SYNRG: variants seen among roughly 807,000 people sequenced by gnomAD.
SYNRG encodes synergin gamma, also known as AP1 gamma subunit binding protein 1.
In SYNRG, 37 loss-of-function variants were observed where a neutral mutation model predicts 130.9. That is an observed-to-expected ratio of 0.28 (90% CI 0.22 to 0.37). The LOEUF is 0.37. Ranked by LOEUF, SYNRG falls within the 10% of genes least tolerant of loss-of-function variation. The pLI is 1.00. For missense variants in SYNRG, 1,338 were observed against 1,588.9 expected (o/e 0.84, Z 2.68); for synonymous variants, 539 against 568.1 (o/e 0.95, Z 0.73).
chr17:37,578,539 C>A (rs551595286), intron 6 of SYNRG, among the ~76,000 whole-genome samples: 1 of 152,064 alleles, frequency 6.6e-6, no homozygotes, highest in African/African-American at 2.4e-5. Flanking sequence ...CCACTAACTC[C>A]TAGGGAGGCC....
chr17:37,535,439 G>A (rs140913312), intron 19 of SYNRG, among the ~76,000 whole-genome samples: 11 of 152,122 alleles, frequency 7.2e-5, no homozygotes, highest in Non-Finnish European at 1.6e-4. Flanking sequence ...AGCTACATAC[G>A]CATGCATGCA....
intron 19 of SYNRG, among the ~76,000 whole-genome samples, chr17:37,521,506 G>A (rs753898233): frequency 6.6e-6 from 1 of 152,130 alleles, no homozygotes; most frequent in Non-Finnish European, 1.5e-5. Context: ...GGTGGGGGCA[G>A]GGCCCAGGGA....
intron 19 of SYNRG, among the ~76,000 whole-genome samples, chr17:37,522,013 G>A (rs1390108592): frequency 6.6e-6 from 1 of 152,084 alleles, no homozygotes; most frequent in African/African-American, 2.4e-5. Flanking sequence ...TACACATACA[G>A]GCCTCCTGCT....
intron 19 of SYNRG, chr17:37,529,809 G>GA: frequency 1.9e-6 from 3 of 1,551,560 alleles, no homozygotes. Flanking sequence ...TCATGGTAAG[G>GA]AGAGAGATGC....
At chr17:37,606,515 C>T (rs781661569) in intron 1 of SYNRG, among the ~76,000 whole-genome samples, 1 of 152,194 alleles carries the variant, frequency 6.6e-6, no homozygotes, top group Non-Finnish European at 1.5e-5. Flanking sequence ...TTTGTACATT[C>T]TCCAAGGATG....
rs760004625 is a variant in SYNRG, at chr17:37,553,970, G to T, written c.1753C>A (p.Pro585Thr). The stretch of plus-strand genomic sequence containing the variant: ...GGTGGAAAAGTTTTGTCTTTTGTTG[G>T]TGGCTCTAGTGGTGATACACTATCG... ...TADSVSPLEP[P>T]TKDKTFPPSF... Residue 585 changes from proline (P) to threonine (T), a missense_variant, in exon 14 of 22, where the codon CCA (proline) becomes ACA (threonine). By Grantham distance (38) the Pro-to-Thr change is conservative. Coordinates refer to ENST00000612223, the MANE Select transcript of SYNRG (RefSeq NM_007247.6). 1.2e-6 allele frequency: 2 copies of T among 1,610,402 alleles called. No individual in the cohort carries two copies. The highest frequency in any genetic ancestry group is 1.1e-5 in the South Asian group (1 of 90,344).
At chr17:37,527,002 G>C (rs2056008564) in intron 19 of SYNRG, among the ~76,000 whole-genome samples, 1 of 152,184 alleles carries the variant, frequency 6.6e-6, no homozygotes, top group South Asian at 2.1e-4. Flanking sequence ...ACATTGTGCA[G>C]ACTGGCAAGA....
intron 19 of SYNRG, among the ~76,000 whole-genome samples, chr17:37,522,929 G>A (rs1008606293): frequency 5.3e-5 from 8 of 151,944 alleles, no homozygotes; most frequent in African/African-American, 1.2e-4. Context: ...GTGAGCCACC[G>A]TGCCTGGCCA....
At chr17:37,575,756 T>C (rs2060778761) in intron 8 of SYNRG, among the ~76,000 whole-genome samples, 1 of 150,878 alleles carries the variant, frequency 6.6e-6, no homozygotes, top group Non-Finnish European at 1.5e-5. Context: ...GTGGGAGGAT[T>C]GCCTGAGCCT....
chr17:37,567,497 A>C (rs1039585846), intron 11 of SYNRG: 3 of 152,182 alleles, frequency 2.0e-5, no homozygotes, highest in African/African-American at 4.8e-5. Flanking sequence ...GAAGGAAGAG[A>C]TCTGAAGTAG....
At chr17:37,598,640 T>C (rs1025099729) in intron 2 of SYNRG, among the ~76,000 whole-genome samples, 1 of 152,212 alleles carries the variant, frequency 6.6e-6, no homozygotes, top group East Asian at 1.9e-4. Flanking sequence ...GTTTCTTACA[T>C]ATGTTTTCAG....
intron 14 of SYNRG, among the ~76,000 whole-genome samples, chr17:37,543,557 G>A (rs146657120): frequency 2.0e-5 from 3 of 152,298 alleles, no homozygotes; most frequent in Non-Finnish European, 2.9e-5. Context: ...ATGAGGAGAG[G>A]AGAAGACCAT....
intron 9 of SYNRG, 117 bp from the exon 10 acceptor site, chr17:37,571,002 C>G (rs2060392311): frequency 1.5e-6 from 2 of 1,312,540 alleles, no homozygotes; most frequent in African/African-American, 1.5e-5. Context: ...CTCCAACTCT[C>G]AAAACTCATG....
chr17:37,560,338 A>AT (rs879738491), intron 13 of SYNRG, among the ~76,000 whole-genome samples: 10,704 of 136,658 alleles, frequency 0.078, 1,299 homozygotes, highest in African/African-American at 0.26. Flanking sequence ...AGCACCTATC[A>AT]TTTTTTTTTT....
chr17:37,525,921 G>A (rs538659011), intron 19 of SYNRG, among the ~76,000 whole-genome samples: 25 of 152,322 alleles, frequency 1.6e-4, no homozygotes, highest in South Asian at 1.0e-3. Flanking sequence ...AGCCAAGATC[G>A]CGCCATTGCA....
chr17:37,526,120 A>C (rs1353699076), intron 19 of SYNRG, among the ~76,000 whole-genome samples: 1 of 152,070 alleles, frequency 6.6e-6, no homozygotes, highest in Non-Finnish European at 1.5e-5. Flanking sequence ...GCAACAGAGG[A>C]AGATGCCATC....
chr17:37,532,288 G>A (rs188898158), intron 19 of SYNRG, among the ~76,000 whole-genome samples: 2 of 152,260 alleles, frequency 1.3e-5, no homozygotes, highest in East Asian at 3.9e-4. Flanking sequence ...CTTTCCATAG[G>A]TGATTCCATC....
At chr17:37,534,664 T>G (rs1568295381) in intron 19 of SYNRG, among the ~76,000 whole-genome samples, 1 of 152,182 alleles carries the variant, frequency 6.6e-6, no homozygotes, top group Non-Finnish European at 1.5e-5. Flanking sequence ...ACATACAATT[T>G]TAGGTTAGAA....
chr17:37,523,591 G>T (rs2055425620), intron 19 of SYNRG, among the ~76,000 whole-genome samples: 1 of 152,242 alleles, frequency 6.6e-6, no homozygotes, highest in Admixed American at 6.5e-5. Flanking sequence ...AATCTCAGGT[G>T]GGAGCCTAGA....
Sources: allele counts gnomAD v4.1 joint callset (sites outside exome capture counted in the v4.1 genomes callset), GRCh38; gene constraint gnomAD v4.1.1; transcripts MANE v1.5; gene names NCBI Gene and HGNC (gene_info 2026-07-23, HGNC 2026-07-21).